The following MAPK10 variants were observed in gnomAD, a reference collection of about 807,000 sequenced individuals.
The protein encoded by MAPK10 is JNK3 alpha protein kinase.
A neutral mutation model predicts 59.3 loss-of-function variants in MAPK10; 25 were observed. The ratio of observed to expected loss-of-function variants is 0.42; its 90% CI spans 0.31 to 0.59. The LOEUF (loss-of-function observed/expected upper bound fraction) is 0.59. MAPK10 is among the 20% of genes least tolerant of loss of function. The pLI is 0.15. For synonymous variants in MAPK10, 190 were observed against 200.5 expected (o/e 0.95, Z 0.44); for missense variants, 351 against 568.9 (o/e 0.62, Z 3.90).
intron 9 of MAPK10, among the ~76,000 whole-genome samples, chr4:86,084,986 A>C (rs1047525706): frequency 6.6e-6 from 1 of 152,222 alleles, no homozygotes; most frequent in Admixed American, 6.5e-5. Flanking sequence ...TGCCAAGAAC[A>C]TACACTGGGG....
chr4:86,313,073 G>A (rs1482370158), intron 2 of MAPK10, among the ~76,000 whole-genome samples: 1 of 151,702 alleles, frequency 6.6e-6, no homozygotes, highest in Non-Finnish European at 1.5e-5. Flanking sequence ...ATAAATACAT[G>A]AATACATATA....
At chr4:86,129,268 C>T (rs565815535) in intron 4 of MAPK10, among the ~76,000 whole-genome samples, 1 of 152,208 alleles carries the variant, frequency 6.6e-6, no homozygotes, top group Non-Finnish European at 1.5e-5. Context: ...CTTATTGAAA[C>T]TTTACATAAG....
chr4:86,286,913 A>C (rs1040283784), intron 2 of MAPK10, among the ~76,000 whole-genome samples: 1 of 152,122 alleles, frequency 6.6e-6, no homozygotes, highest in Non-Finnish European at 1.5e-5. Flanking sequence ...GATTTTGAAA[A>C]CTGGTAGGTA....
intron 1 of MAPK10, among the ~76,000 whole-genome samples, chr4:86,407,139 G>A (rs1744460961): frequency 6.6e-6 from 1 of 152,102 alleles, no homozygotes; most frequent in East Asian, 1.9e-4. Flanking sequence ...ATTGCTAAAA[G>A]GTGCATTTAC....
Position 86,067,960 on chromosome 4 carries a change from G to T in MAPK10, c.803-5C>A. The stretch of plus-strand genomic sequence containing the variant: ...CCTTATTCCACTGGTCAATATCTGA[G>T]AATTGAACAGTTAAGGGAAAAAAGA... On this transcript the variant is annotated splice_region_variant and splice_polypyrimidine_tract_variant and intron_variant, in intron 9 of 13. Transcript: ENST00000641462. 3.8e-6 allele frequency: 6 copies of T among 1,592,704 alleles called. No homozygotes were observed. Among genetic ancestry groups the T allele is most frequent in the Non-Finnish European group, 4.3e-6 (5 of 1,167,474 alleles).
chr4:86,554,661 T>C (rs1370230687), intron 1 of MAPK10, among the ~76,000 whole-genome samples: 3 of 152,218 alleles, frequency 2.0e-5, no homozygotes, highest in East Asian at 1.9e-4. Flanking sequence ...CACATTGTCC[T>C]ATCTGGTCCC....
intron 1 of MAPK10, among the ~76,000 whole-genome samples, chr4:86,543,836 G>A (rs1464906956): frequency 6.6e-6 from 1 of 152,080 alleles, no homozygotes; most frequent in Non-Finnish European, 1.5e-5. Flanking sequence ...GTGAAGAAGG[G>A]AAAGGAGAAC....
At chr4:86,351,283 C>T (rs1296574853) in intron 2 of MAPK10, among the ~76,000 whole-genome samples, 5 of 151,448 alleles carry the variant, frequency 3.3e-5, no homozygotes, top group Admixed American at 1.3e-4. Context: ...CACACACACA[C>T]GCAATATATA....
intron 11 of MAPK10, among the ~76,000 whole-genome samples, chr4:86,048,086 G>A (rs773481604): frequency 3.9e-5 from 6 of 151,976 alleles, no homozygotes; most frequent in Non-Finnish European, 8.8e-5. Context: ...AATAAGATTG[G>A]ATATCAGAAA....
At chr4:86,550,294 C>A (rs764731438) in intron 1 of MAPK10, among the ~76,000 whole-genome samples, 2 of 144,032 alleles carry the variant, frequency 1.4e-5, no homozygotes, top group Admixed American at 7.2e-5. Flanking sequence ...ATCCACAGGG[C>A]TAATTTGGCA....
intron 2 of MAPK10, among the ~76,000 whole-genome samples, chr4:86,266,081 C>T (rs989509626): frequency 6.6e-6 from 1 of 152,072 alleles, no homozygotes; most frequent in African/African-American, 2.4e-5. Context: ...ACTTGTTTGG[C>T]AGATAAATTC....
chr4:86,394,103 T>C (rs1394838925), intron 1 of MAPK10, among the ~76,000 whole-genome samples: 2 of 152,044 alleles, frequency 1.3e-5, no homozygotes, highest in African/African-American at 2.4e-5. Flanking sequence ...AAACCCCATC[T>C]TTACTAAAAA....
chr4:86,412,195 A>T (rs2149027620), intron 1 of MAPK10, among the ~76,000 whole-genome samples: 1 of 152,264 alleles, frequency 6.6e-6, no homozygotes, highest in Admixed American at 6.5e-5. Context: ...CTGGGTTGAA[A>T]ATTCTTTCCT....
intron 2 of MAPK10, among the ~76,000 whole-genome samples, chr4:86,266,645 T>C (rs1288585429): frequency 3.3e-5 from 5 of 152,174 alleles, no homozygotes; most frequent in African/African-American, 1.2e-4. Flanking sequence ...AGAAACTTAT[T>C]TGATACTTGA....
chr4:86,555,086 G>C (rs996162729), intron 1 of MAPK10, among the ~76,000 whole-genome samples: 1 of 152,174 alleles, frequency 6.6e-6, no homozygotes, highest in Non-Finnish European at 1.5e-5. Context: ...CTGGACAATA[G>C]TGCTTATTTC....
chr4:86,069,264 T>A (rs572950841), intron 9 of MAPK10, among the ~76,000 whole-genome samples: 2 of 152,248 alleles, frequency 1.3e-5, no homozygotes, highest in Admixed American at 1.3e-4. Context: ...CTTTTCTTCA[T>A]CTCTATAATC....
rs530697371 is a variant in MAPK10 at position 86,452,541 on chromosome 4, G to C, written c.-122+489C>G. ...CGCACGCACACACACACACACACAC[G>C]CAAGTCTGAAAGCTTCTTTCAGTTT... On this transcript the variant is annotated intron_variant, in intron 1 of 13. Coordinates refer to the MAPK10 transcript ENST00000361569. Among the ~76,000 whole-genome samples, 3 of 151,086 alleles carry C rather than the reference G, an allele frequency of 2.0e-5. No homozygotes were observed. The South Asian group carries it at 6.3e-4, about 32-fold the overall frequency.
intron 3 of MAPK10, among the ~76,000 whole-genome samples, chr4:86,176,828 T>A (rs1193245537): frequency 6.6e-6 from 1 of 152,084 alleles, no homozygotes; most frequent in Admixed American, 6.6e-5. Flanking sequence ...GTGATTTATT[T>A]CAACATACAA....
chr4:86,081,180 T>A (rs1370397643), intron 9 of MAPK10: 1 of 152,014 alleles, frequency 6.6e-6, no homozygotes, highest in Non-Finnish European at 1.5e-5. Flanking sequence ...AAAGAGTAAG[T>A]TAGTCAATAA....
Sources: gnomAD v4.1 joint callset for allele counts (sites outside exome capture counted in the v4.1 genomes callset) on GRCh38, gnomAD v4.1.1 for gene constraint, MANE v1.5 for transcripts, NCBI Gene and HGNC (gene_info 2026-07-23, HGNC 2026-07-21) for gene names.